The following PDE11A variants were observed in gnomAD, a reference collection of about 807,000 sequenced individuals.
The protein encoded by PDE11A is dual 3',5'-cyclic-AMP and -GMP phosphodiesterase 11A.
In PDE11A, 100 loss-of-function variants were observed where a neutral mutation model predicts 100.5. The ratio of observed to expected loss-of-function variants is 1.00; its 90% CI spans 0.85 to 1.18. The LOEUF (loss-of-function observed/expected upper bound fraction) is 1.18, where lower values mean the gene tolerates loss of function less well. Ranked by LOEUF, PDE11A falls within the 50% of genes most tolerant of loss-of-function variation. The pLI is 0.00. For missense variants in PDE11A, 1,141 were observed against 1,152.6 expected, an observed-to-expected ratio of 0.99 and a Z score of 0.15; for synonymous variants, 381 against 420.8, an observed-to-expected ratio of 0.91 and a Z score of 1.16.
intron 1 of PDE11A, among the ~76,000 whole-genome samples, chr2:178,054,164 G>A (rs568093987): frequency 6.6e-6 from 1 of 152,106 alleles, no homozygotes; most frequent in Non-Finnish European, 1.5e-5. Flanking sequence ...TAGACCAATG[G>A]AACAGAACAG....
intron 1 of PDE11A, among the ~76,000 whole-genome samples, chr2:178,053,758 C>G (rs2086860106): frequency 6.6e-6 from 1 of 152,138 alleles, no homozygotes; most frequent in Admixed American, 6.6e-5. Flanking sequence ...AACTCCCATT[C>G]ACGATTGCTA....
intron 2 of PDE11A, among the ~76,000 whole-genome samples, chr2:177,958,446 A>G (rs2085592930): frequency 6.6e-6 from 1 of 152,250 alleles, no homozygotes; most frequent in Non-Finnish European, 1.5e-5. Flanking sequence ...GGATGTGGAA[A>G]GAAAATTCAG....
At chr2:177,769,434 C>T (rs2082281900) in intron 9 of PDE11A, 61 bp from the exon 10 acceptor site, 2 of 978,216 alleles carry the variant, frequency 2.0e-6, no homozygotes, top group East Asian at 5.0e-5. Context: ...TTCTGAAATT[C>T]TCCTGGCTTA....
intron 5 of PDE11A, among the ~76,000 whole-genome samples, chr2:177,852,472 C>T (rs2083731383): frequency 6.6e-6 from 1 of 152,110 alleles, no homozygotes; most frequent in Non-Finnish European, 1.5e-5. Context: ...CAAAAAGAAA[C>T]TGCATTCCTT....
At chr2:178,071,437 T>G (rs2087127690) in intron 1 of PDE11A, 89 bp downstream of exon 1, 4 of 1,554,726 alleles carry the variant, frequency 2.6e-6, no homozygotes, top group Non-Finnish European at 3.5e-6. Context: ...GAGCCTAAAT[T>G]AATGTGTTCC....
intron 2 of PDE11A, among the ~76,000 whole-genome samples, chr2:178,009,704 G>A (rs7570423): frequency 0.66 from 100,528 of 152,082 alleles, 35,127 homozygotes; most frequent in South Asian, 0.78. Flanking sequence ...AATTATAGGT[G>A]TAGAATTTTC....
rs549381411 is a variant in PDE11A at position 178,008,975 on chromosome 2, T to C, written c.1071+5327A>G. 3.9e-5 allele frequency among the ~76,000 whole-genome samples: 6 copies of C among 152,272 alleles called. No individual in the cohort carries two copies. In the South Asian group the frequency reaches 6.2e-4, roughly 16 times the overall value. ...ACTTCAAACCACAGCTGCTAATACA[T>C]TGGCTGTTGGAAAGTACCTGCAATA... On this transcript the variant is annotated intron_variant, in intron 2 of 19. Coordinates refer to ENST00000286063, the MANE Select transcript of PDE11A (RefSeq NM_016953.4).
At chr2:177,807,983 T>G (rs924774978) in intron 9 of PDE11A, among the ~76,000 whole-genome samples, 1 of 152,146 alleles carries the variant, frequency 6.6e-6, no homozygotes, top group Non-Finnish European at 1.5e-5. Context: ...TGAGAAAACA[T>G]TAATGAAAGA....
intron 6 of PDE11A, among the ~76,000 whole-genome samples, chr2:177,836,587 C>A (rs917299420): frequency 6.6e-6 from 1 of 152,172 alleles, no homozygotes; most frequent in African/African-American, 2.4e-5. Flanking sequence ...AGTGGCAACC[C>A]GCTTGGGTTC....
At chr2:177,723,459 A>C (rs2081558934) in intron 12 of PDE11A, among the ~76,000 whole-genome samples, 1 of 152,152 alleles carries the variant, frequency 6.6e-6, no homozygotes, top group South Asian at 2.1e-4. Context: ...CACCACCATA[A>C]ATTTTAATGT....
chr2:178,010,293 TG>T (rs1199335700), intron 2 of PDE11A, among the ~76,000 whole-genome samples: 1 of 152,342 alleles, frequency 6.6e-6, no homozygotes, highest in African/African-American at 2.4e-5. Context: ...TTTTCTTACT[TG>T]TAGGCAACAT....
chr2:178,031,070 TA>T (rs1166540892), intron 1 of PDE11A, among the ~76,000 whole-genome samples: 1 of 152,102 alleles, frequency 6.6e-6, no homozygotes, highest in Non-Finnish European at 1.5e-5. Flanking sequence ...TAGTGTAAGG[TA>T]AAAAAATTCA....
chr2:177,835,966 G>C (rs895977886), intron 6 of PDE11A, among the ~76,000 whole-genome samples: 10 of 152,330 alleles, frequency 6.6e-5, no homozygotes, highest in African/African-American at 2.2e-4. Flanking sequence ...ACTGCCGTGG[G>C]CTCCTGTGCT....
chr2:177,635,531 T>C (rs1245984274), intron 19 of PDE11A, among the ~76,000 whole-genome samples: 1 of 152,230 alleles, frequency 6.6e-6, no homozygotes, highest in Non-Finnish European at 1.5e-5. Context: ...AGTTCTCTTG[T>C]GACCAGCATA....
chr2:177,760,257 A>T (rs2082150578), intron 10 of PDE11A, among the ~76,000 whole-genome samples: 1 of 152,200 alleles, frequency 6.6e-6, no homozygotes, highest in Admixed American at 6.5e-5. Context: ...GCAATTTCTT[A>T]GTACTTAAGA....
chr2:177,642,120 T>C (rs1401168857), intron 19 of PDE11A, among the ~76,000 whole-genome samples: 1 of 152,226 alleles, frequency 6.6e-6, no homozygotes, highest in Non-Finnish European at 1.5e-5. Flanking sequence ...GTTAGAATTA[T>C]GAATGAAAAG....
intron 5 of PDE11A, among the ~76,000 whole-genome samples, chr2:177,874,360 G>A (rs1410079399): frequency 6.6e-6 from 1 of 152,180 alleles, no homozygotes; most frequent in African/African-American, 2.4e-5. Flanking sequence ...AATGGAGGTT[G>A]CTCATATTTT....
chr2:177,846,791 G>C (rs925365999), intron 5 of PDE11A, among the ~76,000 whole-genome samples: 1 of 152,160 alleles, frequency 6.6e-6, no homozygotes, highest in Non-Finnish European at 1.5e-5. Context: ...GGCTTTCAAT[G>C]GCCCTCCTTC....
rs1266218603 is a variant in PDE11A at position 177,828,866 on chromosome 2, A to C, written c.1501-8571T>G. Among the ~76,000 whole-genome samples the C allele has an allele frequency of 2.0e-5, 3 of 152,208 alleles. 1 individual carries two copies. Among genetic ancestry groups the C allele is most frequent in the Non-Finnish European group, 4.4e-5 (3 of 68,036 alleles). On this transcript the variant is annotated intron_variant, in intron 6 of 19. Coordinates refer to ENST00000286063, the MANE Select transcript of PDE11A (RefSeq NM_016953.4). The stretch of plus-strand genomic sequence containing the variant: ...ATAAGGAGACACTGAAGAGTGTGTG[A>C]GCAGAGTTGTAACATAACTTAAAAT...
Sources: allele counts gnomAD v4.1 joint callset (sites outside exome capture counted in the v4.1 genomes callset), GRCh38; gene constraint gnomAD v4.1.1; transcripts MANE v1.5; gene names NCBI Gene and HGNC (gene_info 2026-07-23, HGNC 2026-07-21).